URB1: variants seen among roughly 807,000 people sequenced by gnomAD.
URB1 encodes URB1 ribosome biogenesis factor, also known as nucleolar pre-ribosomal-associated protein 1.
In URB1, 197 loss-of-function variants were observed where a neutral mutation model predicts 242.3. The observed-to-expected ratio is 0.81, with a 90% CI of 0.72 to 0.91. The LOEUF is 0.91. Among genes scored for constraint, URB1 ranks in the 40% least tolerant of loss-of-function variants. URB1 has a pLI of 0.00. For synonymous variants in URB1, 1,153 were observed against 1,201.8 expected, an observed-to-expected ratio of 0.96 and a Z score of 0.84; for missense variants, 2,721 against 2,860.5, an observed-to-expected ratio of 0.95 and a Z score of 1.11.
At chr21:32,346,537 AAG>A (rs1436734260) in intron 22 of URB1, among the ~76,000 whole-genome samples, 1 of 152,222 alleles carries the variant, frequency 6.6e-6, no homozygotes, top group African/African-American at 2.4e-5. Context: ...GTGGAGACAG[AAG>A]AGAGAGCTGA....
intron 14 of URB1, 59 bp from the exon 15 acceptor site, chr21:32,357,715 T>C (rs1239367138): frequency 3.3e-5 from 39 of 1,189,246 alleles, no homozygotes; most frequent in Non-Finnish European, 3.9e-5. Flanking sequence ...ATAATTTTAA[T>C]ATATAGTTAT....
chr21:32,363,387 C>T (rs1293631551), intron 10 of URB1, 58 bp from the exon 11 acceptor site: 6 of 1,518,640 alleles, frequency 4.0e-6, no homozygotes, highest in Non-Finnish European at 4.4e-6. Context: ...ATTTGCTAAG[C>T]TATGGGCTTG....
chr21:32,363,316 G>A lies in URB1; in HGVS notation c.1349C>T (p.Ser450Leu). The A allele has an allele frequency of 3.9e-6, 6 of 1,551,448 alleles. No homozygotes were observed. The highest frequency in any genetic ancestry group is 2.4e-5 in the South Asian group (2 of 84,052). Reference protein sequence around the residue: ...FTQALNLDSTSVRHTALSLIS... With the variant: ...FTQALNLDSTLVRHTALSLIS... Reference sequence around the variant, plus strand: ...AAGGGATAAGGCTGTGTGCCTCACTGAGGTGCTGTCCAACTGGGAAGAAAA... The same window carrying A: ...AAGGGATAAGGCTGTGTGCCTCACTAAGGTGCTGTCCAACTGGGAAGAAAA... The change falls in exon 11 of 39, where the codon TCA (serine) becomes TTA (leucine). Residue 450 changes from serine to leucine, a missense_variant. Transcript: ENST00000382751.
chr21:32,372,379 C>T, intron 8 of URB1, 128 bp downstream of exon 8: 1 of 1,294,668 alleles, frequency 7.7e-7, no homozygotes, highest in Admixed American at 3.0e-5. Flanking sequence ...ACTGTTCAAC[C>T]CTGAAACGAG....
In URB1 at chr21:32,384,360, G is replaced by C. The variant is rs1204025510; in HGVS notation, c.387C>G (p.Asn129Lys). 2.6e-6 allele frequency: 4 copies of C among 1,552,272 alleles called. No homozygotes were observed. The African/African-American group carries it at 4.1e-5, about 16-fold the overall frequency. Residue 129 changes from asparagine to lysine, a missense_variant, in exon 3 of 39, where the codon AAC becomes AAG. By Grantham distance (94) the Asn-to-Lys change is moderately conservative (BLOSUM62 0). Transcript: ENST00000382751. Reference sequence around the variant, plus strand: ...ACTCACAGATGAGCTTCATGTGGTTGTTCATCAGCTTTTTCACAATGTTGG... The same window carrying C: ...ACTCACAGATGAGCTTCATGTGGTTCTTCATCAGCTTTTTCACAATGTTGG... The part of the protein sequence containing the change: ...VGTNIVKKLM[N>K]NHMKLICESL...
intron 18 of URB1, among the ~76,000 whole-genome samples, chr21:32,353,680 T>C (rs906359739): frequency 1.3e-5 from 2 of 152,218 alleles, no homozygotes; most frequent in Admixed American, 1.3e-4. Context: ...AGAGGCTGTC[T>C]GGGCAGCCAG....
rs528011877 is a variant in URB1, at chr21:32,320,415, G to A, written c.5594+116C>T. The A allele has an allele frequency of 1.7e-5, 13 of 783,464 alleles. No individual in the cohort carries two copies. In the African/African-American group the frequency reaches 2.3e-4, roughly 14 times the overall value. 48.5% of individuals were successfully genotyped at this position (783,464 alleles called of 1,614,324 possible). ...TAGCATTGGAGGACACTGCATTTCA[G>A]AGAGCATGGATTTTACTGGACATTT... is the stretch of plus-strand genomic sequence containing the variant. On this transcript the variant is annotated intron_variant, in intron 35 of 38. Coordinates refer to ENST00000382751, the MANE Select transcript of URB1 (RefSeq NM_014825.3).
intron 38 of URB1, 119 bp from the exon 39 acceptor site, chr21:32,315,218 G>A: frequency 9.5e-7 from 1 of 1,056,206 alleles, no homozygotes. Flanking sequence ...CCACAGGCCT[G>A]GGCAACCCAA....
intron 8 of URB1, among the ~76,000 whole-genome samples, chr21:32,370,008 GAA>G (rs1310927757): frequency 6.7e-6 from 1 of 148,560 alleles, no homozygotes; most frequent in Non-Finnish European, 1.5e-5. Context: ...TAAGAAGCAG[GAA>G]AGTCTGCAGA....
At chr21:32,325,712 G>A (rs1015863716) in intron 30 of URB1, among the ~76,000 whole-genome samples, 4 of 152,204 alleles carry the variant, frequency 2.6e-5, no homozygotes, top group Non-Finnish European at 4.4e-5. Context: ...ACCCCAGCAT[G>A]CCAGAGGCCT....
Position 32,368,554 on chromosome 21 carries a change from G to C in URB1, c.1046C>G (p.Thr349Ser). Residue 349 changes from threonine (T) to serine (S), a missense_variant, in exon 9 of 39, where the codon ACT (threonine) becomes AGT (serine). Physicochemically the swap from Thr to Ser is moderately conservative, Grantham distance 58. Transcript: ENST00000382751. ...AGCCACCAGATCATCATCAGCTGCA[G>C]TTTTCAAACCCAGCAAGAAGTGCAA... is the stretch of plus-strand genomic sequence containing the variant. ...TLLHFLLGLK[T>S]AADDDLVADL... is the part of the protein sequence containing the mutation. 6.4e-7 allele frequency: 1 copy of C among 1,551,706 alleles called. No individual in the cohort carries two copies. The highest frequency in any genetic ancestry group is 8.7e-7 in the Non-Finnish European group (1 of 1,146,998).
intron 24 of URB1, among the ~76,000 whole-genome samples, chr21:32,343,829 C>A (rs2033056301): frequency 6.6e-6 from 1 of 151,822 alleles, no homozygotes; most frequent in South Asian, 2.1e-4. Flanking sequence ...GTACAAGAAA[C>A]TTGAATAAAA....
intron 8 of URB1, among the ~76,000 whole-genome samples, chr21:32,369,824 G>A (rs971433460): frequency 9.2e-5 from 14 of 152,032 alleles, no homozygotes; most frequent in Non-Finnish European, 1.8e-4. Context: ...AAAATCTACC[G>A]TAGAAAAATA....
intron 20 of URB1, among the ~76,000 whole-genome samples, chr21:32,349,967 C>T (rs997174598): frequency 4.0e-5 from 6 of 151,880 alleles, no homozygotes; most frequent in African/African-American, 7.3e-5. Context: ...TGTTGGTGTG[C>T]ACTTGTTATC....
At chr21:32,322,992 G>A (rs2032785938) in intron 32 of URB1, among the ~76,000 whole-genome samples, 1 of 152,196 alleles carries the variant, frequency 6.6e-6, no homozygotes, top group Admixed American at 6.5e-5. Context: ...CACAGCGGGG[G>A]AGGCTCAGAC....
Position 32,316,576 on chromosome 21 carries a change from G to A in URB1, c.6524C>T (p.Thr2175Met), listed in dbSNP as rs2032689570. 7.1e-6 allele frequency: 11 copies of A among 1,551,442 alleles called. No individual in the cohort carries two copies. Among genetic ancestry groups the A allele is most frequent in the African/African-American group, 1.4e-5 (1 of 73,176 alleles). ...GGCAGCCACCAGCTGCAGCATGACC[G>A]TATTGAACAGGCAGGCCACCTCCTG... ...PVQEVACLFN[T>M]VMLQLVAAQG... The change falls in exon 38 of 39, where the codon ACG (threonine) becomes ATG (methionine). Residue 2175 changes from threonine to methionine, a missense_variant. Transcript: ENST00000382751.
At chr21:32,349,084 C>T (rs929378351) in intron 21 of URB1, among the ~76,000 whole-genome samples, 5 of 152,266 alleles carry the variant, frequency 3.3e-5, no homozygotes, top group Non-Finnish European at 7.3e-5. Flanking sequence ...AGAAAGCTGT[C>T]TGCAGGGAGG....
chr21:32,340,002 C>T (rs16989286), intron 25 of URB1, among the ~76,000 whole-genome samples: 4,455 of 152,272 alleles, frequency 0.029, 214 homozygotes, highest in African/African-American at 0.1. Context: ...CCCTTCAAAA[C>T]CCACTAAGGA....
intron 9 of URB1, among the ~76,000 whole-genome samples, chr21:32,367,027 A>G (rs1247534260): frequency 6.6e-6 from 1 of 152,152 alleles, no homozygotes; most frequent in Non-Finnish European, 1.5e-5. Flanking sequence ...GATGGCAAAT[A>G]AATCACTGCC....
Sources: gnomAD v4.1 joint callset for allele counts (sites outside exome capture counted in the v4.1 genomes callset) on GRCh38, gnomAD v4.1.1 for gene constraint, MANE v1.5 for transcripts, NCBI Gene and HGNC (gene_info 2026-07-23, HGNC 2026-07-21) for gene names.